The following TSHZ1 variants were observed in gnomAD, a reference collection of about 807,000 sequenced individuals.
TSHZ1 encodes teashirt homolog 1.
TSHZ1 carries 12 observed loss-of-function variants against 67.1 expected under a neutral mutation model. The observed-to-expected ratio is 0.18, with a 90% confidence interval of 0.11 to 0.29. The LOEUF (loss-of-function observed/expected upper bound fraction) is 0.29. Among genes scored for constraint, TSHZ1 ranks in the 10% least tolerant of loss-of-function variants. The pLI, the probability that TSHZ1 is intolerant of heterozygous loss-of-function variation, is 1.00. For synonymous variants in TSHZ1, 632 were observed against 622.4 expected, an observed-to-expected ratio of 1.02 and a Z score of -0.23; for missense variants, 1,305 against 1,413.9, an observed-to-expected ratio of 0.92 and a Z score of 1.23.
intron 1 of TSHZ1, among the ~76,000 whole-genome samples, chr18:75,238,014 G>A (rs968961762): frequency 2.6e-5 from 4 of 152,092 alleles, no homozygotes; most frequent in Non-Finnish European, 4.4e-5. Context: ...GTTTCTCCAT[G>A]TTGGTCAGGC....
chr18:75,251,372 C>T lies in TSHZ1; in HGVS notation c.41-34076C>T, dbSNP rs145077971. 1.8e-3 allele frequency among the ~76,000 whole-genome samples: 276 copies of T among 151,778 alleles called. 1 individual carries two copies. Among genetic ancestry groups the T allele is most frequent in the African/African-American group, 6.2e-3 (258 of 41,402 alleles). ...TCTTTCTTGTTTTTTTTTTGCTCTA[C>T]AGATATTTTTCAAACAAAGATGGGA... is the stretch of plus-strand genomic sequence containing the variant. On this transcript the variant is annotated intron_variant, in intron 1 of 1. Coordinates refer to ENST00000580243, the MANE Select transcript of TSHZ1 (RefSeq NM_001308210.2).
intron 1 of TSHZ1, among the ~76,000 whole-genome samples, chr18:75,213,488 G>C (rs1266025867): frequency 1.3e-5 from 2 of 152,064 alleles, no homozygotes; most frequent in Admixed American, 6.6e-5. Flanking sequence ...TTAAATGACA[G>C]AATGTACAAT....
intron 1 of TSHZ1, among the ~76,000 whole-genome samples, chr18:75,263,811 T>C (rs529273707): frequency 1.3e-5 from 2 of 152,330 alleles, no homozygotes; most frequent in Non-Finnish European, 2.9e-5. Flanking sequence ...TTTTTGATAC[T>C]GGAAGATTCT....
chr18:75,285,766 A>C lies in TSHZ1; in HGVS notation c.359A>C (p.Tyr120Ser), dbSNP rs747035582. 3 of 1,614,116 alleles carry C rather than the reference A, an allele frequency of 1.9e-6. No individual in the cohort carries two copies. Among genetic ancestry groups the C allele is most frequent in the Non-Finnish European group, 2.5e-6 (3 of 1,180,010 alleles). The change falls in exon 2 of 2, where the codon TAT (tyrosine) becomes TCT (serine). Residue 120 changes from tyrosine (Y) to serine (S), a missense_variant. By Grantham distance (144) the Tyr-to-Ser change is moderately radical. Transcript: ENST00000580243. Reference protein sequence around the residue: ...QDSLAQIKAVYANLFSESCWS... With the variant: ...QDSLAQIKAVSANLFSESCWS... ...AGCCTGGCACAGATCAAAGCTGTGT[A>C]TGCAAACTTGTTCTCCGAGTCCTGC...
chr18:75,243,778 T>G (rs949263004), intron 1 of TSHZ1, among the ~76,000 whole-genome samples: 1 of 152,182 alleles, frequency 6.6e-6, no homozygotes, highest in Non-Finnish European at 1.5e-5. Flanking sequence ...GTCCAACATT[T>G]TTTTATGTAC....
Position 75,212,382 on chromosome 18 carries a change from G to A in TSHZ1, c.40+466G>A, listed in dbSNP as rs182877959. On this transcript the variant is annotated intron_variant, in intron 1 of 1. Transcript: ENST00000580243. The stretch of plus-strand genomic sequence containing the variant: ...TCTCTGGAAAACAGCAGCCTTTAAT[G>A]TCCTGTGCAAGAGGCCCCCCGCCCC... Among the ~76,000 whole-genome samples the A allele has an allele frequency of 1.3e-4, 20 of 148,882 alleles. No homozygotes were observed. In the Admixed American group the frequency reaches 1.3e-3, roughly 10 times the overall value.
chr18:75,276,995 G>GCT (rs1321145696), intron 1 of TSHZ1, among the ~76,000 whole-genome samples: 1 of 152,204 alleles, frequency 6.6e-6, no homozygotes, highest in Admixed American at 6.5e-5. Flanking sequence ...CCTCCAAAGA[G>GCT]CTCTTCACAA....
At chr18:75,277,977 C>T (rs945309003) in intron 1 of TSHZ1, among the ~76,000 whole-genome samples, 24 of 152,128 alleles carry the variant, frequency 1.6e-4, no homozygotes, top group Non-Finnish European at 1.5e-5. Context: ...TGAGCCTGGG[C>T]TCCTACCATG....
chr18:75,234,012 G>A (rs2023033734), intron 1 of TSHZ1, among the ~76,000 whole-genome samples: 1 of 152,082 alleles, frequency 6.6e-6, no homozygotes, highest in African/African-American at 2.4e-5. Context: ...TTGAAATGGA[G>A]GGCCACACTG....
intron 1 of TSHZ1, among the ~76,000 whole-genome samples, chr18:75,237,385 G>T (rs1005293109): frequency 6.6e-6 from 1 of 152,112 alleles, no homozygotes; most frequent in African/African-American, 2.4e-5. Flanking sequence ...AGCCGGATGT[G>T]GTGGTGCATG....
chr18:75,214,873 C>T (rs143859299), intron 1 of TSHZ1, among the ~76,000 whole-genome samples: 55 of 152,230 alleles, frequency 3.6e-4, no homozygotes, highest in African/African-American at 1.2e-3. Flanking sequence ...ACGATTAATG[C>T]GGACAAATTC....
At position 75,259,824 on chromosome 18, in the gene TSHZ1, C is replaced by G. The variant is rs75174440; in HGVS notation, c.41-25624C>G. 3.4e-3 allele frequency among the ~76,000 whole-genome samples: 516 copies of G among 152,244 alleles called. 2 individuals are homozygous for G. The highest frequency in any genetic ancestry group is 0.012 in the African/African-American group (496 of 41,516). ...CTGTGGATCACCCTAAACAATGCTG[C>G]TGGGTATTTACCTATGGGTGCTTTT... On this transcript the variant is annotated intron_variant, in intron 1 of 1. Transcript: ENST00000580243.
At chr18:75,270,096 C>A (rs1484726467) in intron 1 of TSHZ1, among the ~76,000 whole-genome samples, 1 of 152,214 alleles carries the variant, frequency 6.6e-6, no homozygotes, top group Non-Finnish European at 1.5e-5. Flanking sequence ...ATGCCACTTA[C>A]AGTTGCTGAT....
Position 75,268,887 on chromosome 18 carries a change from C to G in TSHZ1, c.41-16561C>G, listed in dbSNP as rs570745413. Among the ~76,000 whole-genome samples, 7 of 152,308 alleles carry G rather than the reference C, an allele frequency of 4.6e-5. No individual in the cohort carries two copies. In the East Asian group the frequency reaches 1.4e-3, roughly 29 times the overall value. ...CTTCTGAGACAGGATTTCAGAGTGG[C>G]TGTTTTTCCCTTTTCCACCCCATTT... On this transcript the variant is annotated intron_variant, in intron 1 of 1. Transcript: ENST00000580243.
intron 1 of TSHZ1, among the ~76,000 whole-genome samples, chr18:75,278,849 G>A (rs1439964392): frequency 6.6e-6 from 1 of 152,162 alleles, no homozygotes; most frequent in Non-Finnish European, 1.5e-5. Context: ...GCCTCGAAGG[G>A]TCTTGGAATG....
rs761705201 is a variant in TSHZ1 at position 75,287,379 on chromosome 18, C to T, written c.1972C>T (p.Pro658Ser). 4.7e-5 allele frequency: 76 copies of T among 1,613,922 alleles called. No individual in the cohort carries two copies. The highest frequency in any genetic ancestry group is 5.7e-5 in the Non-Finnish European group (67 of 1,180,022). ...GGTCAACATCAAGAAGGAGGAGAGA[C>T]CCCCTGAGAAGGAGAAGAGCTCCCT... Reference protein sequence around the residue: ...GKVNIKKEERPPEKEKSSLAK... With the variant: ...GKVNIKKEERSPEKEKSSLAK... The change falls in exon 2 of 2, where the codon CCC becomes TCC. Residue 658 changes from proline to serine, a missense_variant. Physicochemically the swap from Pro to Ser is moderately conservative, Grantham distance 74 (BLOSUM62 -1). Coordinates refer to ENST00000580243, the MANE Select transcript of TSHZ1 (RefSeq NM_001308210.2). The surrounding 1 kb of genome is among the most constrained non-coding windows in gnomAD (Gnocchi z 5.0).
At chr18:75,219,808 A>AC (rs2022822324) in intron 1 of TSHZ1, among the ~76,000 whole-genome samples, 1 of 152,280 alleles carries the variant, frequency 6.6e-6, no homozygotes, top group Non-Finnish European at 1.5e-5. Context: ...CGAGTTGTAT[A>AC]TGTGTGTAAG....
chr18:75,221,997 G>A (rs1415853810), intron 1 of TSHZ1, among the ~76,000 whole-genome samples: 2 of 152,136 alleles, frequency 1.3e-5, no homozygotes, highest in Non-Finnish European at 2.9e-5. Context: ...AAAGTAATGG[G>A]AAATAAATAT....
Position 75,286,488 on chromosome 18 carries a change from C to G in TSHZ1, c.1081C>G (p.Pro361Ala). 6.2e-7 allele frequency: 1 copy of G among 1,614,146 alleles called. No individual in the cohort carries two copies. Among genetic ancestry groups the G allele is most frequent in the Non-Finnish European group, 8.5e-7 (1 of 1,180,038 alleles). The part of the protein sequence containing the change: ...TKKRALQDLA[P>A]PCSPEPAGMA... ...AAAGCGGGCGCTTCAGGACCTGGCG[C>G]CCCCCTGCTCCCCTGAGCCAGCAGG... The change falls in exon 2 of 2, where the codon CCC becomes GCC. Residue 361 changes from proline to alanine, a missense_variant. By Grantham distance (27) the Pro-to-Ala change is conservative. Around this residue, in one of 3 missense-constraint regions of TSHZ1, gnomAD observed 909 missense variants for 961.8 expected, o/e 0.95. Coordinates refer to ENST00000580243, the MANE Select transcript of TSHZ1 (RefSeq NM_001308210.2). This position sits in a 1 kb window ranked among gnomAD's most constrained non-coding sequence, Gnocchi z 5.1.
Sources: allele counts gnomAD v4.1 joint callset (sites outside exome capture counted in the v4.1 genomes callset), GRCh38; gene constraint gnomAD v4.1.1; regional missense constraint gnomAD v4.1.1; non-coding constraint Gnocchi (gnomAD v3.1); transcripts MANE v1.5; gene names NCBI Gene and HGNC (gene_info 2026-07-23, HGNC 2026-07-21).